The following CCDC14 variants were observed in gnomAD, a reference collection of about 807,000 sequenced individuals.
CCDC14 encodes coiled-coil domain-containing protein 14.
Under a neutral mutation model 81.4 loss-of-function variants are expected in CCDC14, and 71 were observed. That is an observed-to-expected ratio of 0.87 (90% confidence interval 0.72 to 1.06). CCDC14 has a LOEUF of 1.06. Among genes scored for constraint, CCDC14 ranks in the 50% least tolerant of loss-of-function variants. The pLI, the probability that CCDC14 is intolerant of heterozygous loss-of-function variation, is 0.00. For synonymous variants in CCDC14, 332 were observed against 364.8 expected (o/e 0.91, Z 1.03); for missense variants, 1,046 against 1,047.3 (o/e 1.00, Z 0.02).
At chr3:123,904,472 T>A (rs2034255315) in intron 5 of CCDC14, among the ~76,000 whole-genome samples, 1 of 152,148 alleles carries the variant, frequency 6.6e-6, no homozygotes, top group Non-Finnish European at 1.5e-5. Context: ...ATCCTATATA[T>A]ATAGAATTAC....
At chr3:123,938,941 AAC>A (rs2036200358) in intron 9 of CCDC14, among the ~76,000 whole-genome samples, 1 of 151,978 alleles carries the variant, frequency 6.6e-6, no homozygotes, top group African/African-American at 2.4e-5. Context: ...CAAGATTACT[AAC>A]ACATTCTGAT....
chr3:123,905,098 G>T (rs1242135389), intron 5 of CCDC14, among the ~76,000 whole-genome samples: 1 of 152,202 alleles, frequency 6.6e-6, no homozygotes, highest in Non-Finnish European at 1.5e-5. Context: ...GGGAGCACAA[G>T]ATGGCAAATG....
At chr3:123,928,928 T>C (rs939166683) in intron 12 of CCDC14, among the ~76,000 whole-genome samples, 3 of 151,996 alleles carry the variant, frequency 2.0e-5, no homozygotes, top group Non-Finnish European at 2.9e-5. Flanking sequence ...AAATCTTCCC[T>C]CCATAGATGA....
rs376539891 is a variant in CCDC14 at position 123,915,573 on chromosome 3, T to C, written c.1924A>G (p.Ile642Val). 6.8e-6 allele frequency: 11 copies of C among 1,613,924 alleles called. No individual in the cohort carries two copies. The highest frequency in any genetic ancestry group is 3.3e-5 in the South Asian group (3 of 91,088). Residue 642 changes from isoleucine (I) to valine (V), a missense_variant, in exon 13 of 13, where the codon ATA becomes GTA. Ile to Val is a conservative substitution (Grantham distance 29). Coordinates refer to ENST00000409697, the MANE Select transcript of CCDC14 (RefSeq NM_001366335.1). ...QHDPAPAHTSIMSYLNKLETN... is the reference protein window; with the variant it reads ...QHDPAPAHTSVMSYLNKLETN... ...TCTAACTTATTTAGATAGCTCATTATGGAAGTGTGAGCAGGAGCTGGGTCA... is the reference window on the plus strand; with the variant it reads ...TCTAACTTATTTAGATAGCTCATTACGGAAGTGTGAGCAGGAGCTGGGTCA...
Position 123,944,934 on chromosome 3 carries a change from G to A in CCDC14, c.1258C>T (p.Pro420Ser). The change falls in exon 9 of 13, where the codon CCA becomes TCA. Residue 420 changes from proline (P) to serine (S), a missense_variant. Pro to Ser is a moderately conservative substitution (Grantham distance 74). Coordinates refer to ENST00000409697, the MANE Select transcript of CCDC14 (RefSeq NM_001366335.1). ...TEMEACISVLPTVSGNTDIQV... is the reference protein window; with the variant it reads ...TEMEACISVLSTVSGNTDIQV... The stretch of plus-strand genomic sequence containing the variant: ...ATATCTGTGTTTCCACTTACTGTTG[G>A]AAGTACAGATATACATGCCTCCATT... 6.2e-7 allele frequency: 1 copy of A among 1,610,978 alleles called. No individual in the cohort carries two copies. The highest frequency in any genetic ancestry group is 8.5e-7 in the Non-Finnish European group (1 of 1,177,786).
At chr3:123,925,326 T>A (rs929640388) in intron 12 of CCDC14, among the ~76,000 whole-genome samples, 1 of 151,764 alleles carries the variant, frequency 6.6e-6, no homozygotes, top group African/African-American at 2.4e-5. Context: ...GAGACTGGGG[T>A]TGTGGTGGAT....
chr3:123,956,429 T>TAATTTTCTGG lies in CCDC14; in HGVS notation c.87-3_87-2insCCAGAAAATT. ...CGTGGTATTTTTCTTAAATAGGTCC[T>TAATTTTCTGG]GGAAAACAAGCTTATTAATATTCTT... is the stretch of plus-strand genomic sequence containing the variant. On this transcript the variant is annotated splice_region_variant and splice_polypyrimidine_tract_variant and intron_variant, in intron 2 of 12. Coordinates refer to ENST00000409697, the MANE Select transcript of CCDC14 (RefSeq NM_001366335.1). The TAATTTTCTGG allele has an allele frequency of 6.5e-7, 1 of 1,536,818 alleles. No individual in the cohort carries two copies. The highest frequency in any genetic ancestry group is 8.8e-7 in the Non-Finnish European group (1 of 1,136,908).
At chr3:123,956,009 A>C (rs1199147641) in intron 4 of CCDC14, 37 bp downstream of exon 4, 14 of 1,532,176 alleles carry the variant, frequency 9.1e-6, no homozygotes, top group Non-Finnish European at 1.2e-5. Context: ...TAATGACTTG[A>C]GATAAGGTGA....
chr3:123,936,776 A>AT (rs1166805299), intron 9 of CCDC14, among the ~76,000 whole-genome samples: 1 of 152,082 alleles, frequency 6.6e-6, no homozygotes, highest in Non-Finnish European at 1.5e-5. Context: ...AATAACATGT[A>AT]TAACAAACCT....
chr3:123,914,002 G>A lies in CCDC14; in HGVS notation c.*777C>T. 1.0e-6 allele frequency: 1 copy of A among 985,312 alleles called. No homozygotes were observed. Among genetic ancestry groups the A allele is most frequent in the Non-Finnish European group, 1.2e-6 (1 of 829,626 alleles). 61.0% of individuals were successfully genotyped at this position (985,312 alleles called of 1,614,324 possible). ...CCAAAAAGGCAGAATTACAATCAAT[G>A]CCAAGATTTACAAATTCCATCATGT... On this transcript the variant is annotated 3_prime_UTR_variant, in exon 13 of 13. Coordinates refer to ENST00000409697, the MANE Select transcript of CCDC14 (RefSeq NM_001366335.1).
At chr3:123,916,252 G>A (rs537568163) in intron 12 of CCDC14, among the ~76,000 whole-genome samples, 118 of 152,128 alleles carry the variant, frequency 7.8e-4, no homozygotes, top group African/African-American at 2.7e-3. Context: ...GCCCGCCTCA[G>A]CCTCCCAAAG....
chr3:123,937,928 A>G (rs1258529808), intron 9 of CCDC14, among the ~76,000 whole-genome samples: 1 of 151,698 alleles, frequency 6.6e-6, no homozygotes, highest in Non-Finnish European at 1.5e-5. Context: ...TTCTTTCCCC[A>G]CTGAATTTCT....
intron 5 of CCDC14, among the ~76,000 whole-genome samples, chr3:123,900,674 A>G (rs780109176): frequency 1.3e-5 from 2 of 152,242 alleles, no homozygotes; most frequent in Non-Finnish European, 2.9e-5. Flanking sequence ...TACATTTAAC[A>G]AGATCAACTC....
chr3:123,911,294 A>G (rs1266586077), downstream of CCDC14, among the ~76,000 whole-genome samples: 1 of 152,214 alleles, frequency 6.6e-6, no homozygotes, highest in East Asian at 1.9e-4. Context: ...GTTCTCTACA[A>G]GTGGTAATAT....
the CCDC14 span, among the ~76,000 whole-genome samples, chr3:123,887,033 A>T: frequency 6.6e-6 from 1 of 152,216 alleles, no homozygotes; most frequent in African/African-American, 2.4e-5. Context: ...TGCATTAAAC[A>T]TATAATAATA....
chr3:123,943,172 T>G (rs2036448594), intron 9 of CCDC14, among the ~76,000 whole-genome samples: 1 of 151,994 alleles, frequency 6.6e-6, no homozygotes, highest in African/African-American at 2.4e-5. Context: ...ATGTTTTCAT[T>G]CACAGTTCCT....
Position 123,948,746 on chromosome 3 carries a change from G to A in CCDC14, c.629C>T (p.Thr210Ile), listed in dbSNP as rs1232755279. ...CTGAAGTGACCAGACTGGGGTGGAG[G>A]TACATAAGCCATAACTAGAATGAGG... Reference protein sequence around the residue: ...ATPHSSYGLCTSTPVWSLQRP... With the variant: ...ATPHSSYGLCISTPVWSLQRP... Residue 210 changes from threonine to isoleucine, a missense_variant, in exon 7 of 13, where the codon ACC becomes ATC. Thr to Ile is a moderately conservative substitution (Grantham distance 89). Transcript: ENST00000409697. The A allele has an allele frequency of 6.2e-7, 1 of 1,601,062 alleles. No individual in the cohort carries two copies. The highest frequency in any genetic ancestry group is 8.5e-7 in the Non-Finnish European group (1 of 1,176,826).
chr3:123,928,333 TAA>T (rs36006823), intron 12 of CCDC14, among the ~76,000 whole-genome samples: 45 of 76,362 alleles, frequency 5.9e-4, no homozygotes, highest in Non-Finnish European at 7.8e-4. Flanking sequence ...CAGTCTCTAC[TAA>T]AAAAAAAAAA....
intron 12 of CCDC14, 188 bp downstream of exon 12, chr3:123,930,914 C>T (rs543381391): frequency 5.0e-5 from 27 of 542,874 alleles, no homozygotes; most frequent in Non-Finnish European, 7.6e-5. Flanking sequence ...AAAAACATTT[C>T]GCCAGGTTTG....
Sources: allele counts gnomAD v4.1 joint callset (sites outside exome capture counted in the v4.1 genomes callset), GRCh38; gene constraint gnomAD v4.1.1; transcripts MANE v1.5; gene names NCBI Gene and HGNC (gene_info 2026-07-23, HGNC 2026-07-21).